VIRMA: variants seen among roughly 807,000 people sequenced by gnomAD.
The protein encoded by VIRMA is protein virilizer homolog.
A neutral mutation model predicts 182.4 loss-of-function variants in VIRMA; 65 were observed. The ratio of observed to expected loss-of-function variants is 0.36; its 90% CI spans 0.29 to 0.44. VIRMA has a LOEUF of 0.44. Ranked by LOEUF, VIRMA falls within the 20% of genes least tolerant of loss-of-function variation. The pLI, the probability that VIRMA is intolerant of heterozygous loss-of-function variation, is 1.00. For missense variants in VIRMA, 1,752 were observed against 2,158.1 expected (o/e 0.81, Z 3.73); for synonymous variants, 709 against 743.1 (o/e 0.95, Z 0.75).
In VIRMA at chr8:94,488,761, T is replaced by A; in HGVS notation, c.5384A>T (p.Lys1795Met). The A allele has an allele frequency of 2.1e-5, 34 of 1,614,196 alleles. No individual in the cohort carries two copies. The highest frequency in any genetic ancestry group is 2.9e-5 in the Non-Finnish European group (34 of 1,180,040). The change falls in exon 24 of 24, where the codon AAG becomes ATG. Residue 1795 changes from lysine (K) to methionine (M), a missense_variant. Transcript: ENST00000297591. Reference protein sequence around the residue: ...ANSGSGGSRGKFVSGGSGRGR... With the variant: ...ANSGSGGSRGMFVSGGSGRGR... ...TCTACCACTGCCTCCACTAACAAAC[T>A]TTCCTCTTGAGCCTCCACTGCCGCT...
In VIRMA at chr8:94,506,529, C is replaced by T. The variant is rs762965503; in HGVS notation, c.4068G>A (p.Glu1356=). The T allele has an allele frequency of 9.3e-6, 15 of 1,610,878 alleles. No homozygotes were observed. The highest frequency in any genetic ancestry group is 8.8e-5 in the South Asian group (8 of 90,810). The change falls in exon 16 of 24, where the codon GAG becomes GAA. Residue 1356 remains glutamate, a synonymous_variant. Coordinates refer to ENST00000297591, the MANE Select transcript of VIRMA (RefSeq NM_015496.5). ...TTAAATGAAATAATCCATAATCATG[C>T]TCTGCAAGAAACATCATTGTTCTGA... ...TCVRTMMFLA[E]HDYGLFHLKS...
At chr8:94,525,352 T>A (rs1351482003) in intron 8 of VIRMA, among the ~76,000 whole-genome samples, 1 of 152,236 alleles carries the variant, frequency 6.6e-6, no homozygotes, top group Non-Finnish European at 1.5e-5. Context: ...CTTCCTTTAC[T>A]GGTTTTTCTC....
At position 94,501,273 on chromosome 8, in the gene VIRMA, AAAAAC is replaced by A. The variant is rs1190328928; in HGVS notation, c.4098-1772_4098-1768del. On this transcript the variant is annotated intron_variant, in intron 16 of 23. Coordinates refer to ENST00000297591, the MANE Select transcript of VIRMA (RefSeq NM_015496.5). The stretch of plus-strand genomic sequence containing the variant: ...TCCATCTCAAAAAAAAAAAAAAAAA[AAAAAC>A]AACCAATAAGGATATGAGGGAAAAA... 1.6e-3 allele frequency among the ~76,000 whole-genome samples: 246 copies of A among 151,112 alleles called. 2 individuals are homozygous for A. In the East Asian group the frequency reaches 0.027, roughly 17 times the overall value.
intron 1 of VIRMA, among the ~76,000 whole-genome samples, chr8:94,552,657 T>C (rs1188726396): frequency 6.6e-6 from 1 of 152,170 alleles, no homozygotes; most frequent in Admixed American, 6.5e-5. Context: ...CTATGTTTAA[T>C]CTACATATTG....
rs1448695499 is a variant in VIRMA, at chr8:94,488,354, A to G, written c.*352T>C. ...AAGTATTAGATATTTCTTTTGGACC[A>G]GGTATGCTGTGAAAAAAGTACTGAG... On this transcript the variant is annotated 3_prime_UTR_variant, in exon 24 of 24. Transcript: ENST00000297591. 1 of 173,592 alleles carries G rather than the reference A, an allele frequency of 5.8e-6. No homozygotes were observed. Among genetic ancestry groups the G allele is most frequent in the African/African-American group, 2.4e-5 (1 of 42,152 alleles). 10.8% of individuals were successfully genotyped at this position (173,592 alleles called of 1,614,324 possible). A position where few individuals can be genotyped will look rare whatever the true frequency, so the allele number is the denominator to read the frequency against.
intron 11 of VIRMA, among the ~76,000 whole-genome samples, chr8:94,514,437 G>T (rs1814486589): frequency 6.6e-6 from 1 of 152,096 alleles, no homozygotes; most frequent in Non-Finnish European, 1.5e-5. Context: ...TTAACAAAGA[G>T]AACTTGCCTC....
At chr8:94,513,717 G>T (rs563020930) in intron 11 of VIRMA, among the ~76,000 whole-genome samples, 1 of 152,192 alleles carries the variant, frequency 6.6e-6, no homozygotes, top group South Asian at 2.1e-4. Context: ...GCCATTTATT[G>T]AACATCTTGT....
chr8:94,495,583 A>G (rs1813744116), intron 19 of VIRMA, 148 bp downstream of exon 19: 1 of 459,792 alleles, frequency 2.2e-6, no homozygotes, highest in African/African-American at 2.0e-5. Context: ...AAACTAAAGA[A>G]GAATACACAA....
chr8:94,547,111 T>C (rs774073572), intron 1 of VIRMA: 46 of 428,562 alleles, frequency 1.1e-4, no homozygotes, highest in Non-Finnish European at 1.9e-4. Flanking sequence ...TCTAGCTGAA[T>C]TGTAATTGCC....
At chr8:94,531,297 A>G (rs1450262061) in intron 5 of VIRMA, among the ~76,000 whole-genome samples, 2 of 152,202 alleles carry the variant, frequency 1.3e-5, no homozygotes, top group African/African-American at 2.4e-5. Flanking sequence ...TCAGGACTTG[A>G]GTATGCACAG....
chr8:94,534,776 TA>T (rs1338198337), intron 5 of VIRMA, 62 bp downstream of exon 5: 341 of 1,494,116 alleles, frequency 2.3e-4, no homozygotes, highest in African/African-American at 1.2e-3. Flanking sequence ...CTCTTCGAAT[TA>T]TTTTTTTTTT....
chr8:94,489,838 G>C, intron 23 of VIRMA, 101 bp downstream of exon 23: 1 of 1,289,300 alleles, frequency 7.8e-7, no homozygotes, highest in Non-Finnish European at 1.1e-6. Context: ...AGGAGATGGG[G>C]AGATTAGCAC....
At chr8:94,496,211 G>T in intron 18 of VIRMA, 117 bp downstream of exon 18, 1 of 845,808 alleles carries the variant, frequency 1.2e-6, no homozygotes. Context: ...TATTTGAAAT[G>T]GTACAAACAC....
intron 11 of VIRMA, among the ~76,000 whole-genome samples, chr8:94,512,756 GAC>G (rs1814422503): frequency 6.6e-6 from 1 of 152,256 alleles, no homozygotes; most frequent in South Asian, 2.1e-4. Context: ...CAGCCTGGGT[GAC>G]ACAGTGAAAC....
At chr8:94,508,640 G>C (rs560196149) in intron 15 of VIRMA, among the ~76,000 whole-genome samples, 1 of 151,576 alleles carries the variant, frequency 6.6e-6, no homozygotes, top group South Asian at 2.1e-4. Context: ...ACACTTTGAG[G>C]TACAAGGACT....
rs140749547 is a variant in VIRMA at position 94,514,941 on chromosome 8, C to T, written c.2679G>A (p.Lys893=). The T allele has an allele frequency of 6.1e-5, 95 of 1,550,812 alleles. No individual in the cohort carries two copies. In the African/African-American group the frequency reaches 9.6e-4, roughly 16 times the overall value. ...TAAGGTTTTTCAGAGGTTCAAGCCA[C>T]TTGCCAAGTTCTTAAAAAGAAAAAT... ...ENNAKLQELG[K]WLEPLKNLRF... The change falls in exon 11 of 24, where the codon AAG becomes AAA. Residue 893 remains lysine (K), a synonymous_variant. Transcript: ENST00000297591.
intron 11 of VIRMA, 67 bp downstream of exon 11, chr8:94,514,802 A>C: frequency 1.3e-6 from 1 of 770,326 alleles, no homozygotes; most frequent in Non-Finnish European, 2.2e-6. Flanking sequence ...AAGTGATTCA[A>C]TGCAGTATCA....
At chr8:94,508,807 GA>G (rs1404251047) in intron 15 of VIRMA, among the ~76,000 whole-genome samples, 8 of 145,782 alleles carry the variant, frequency 5.5e-5, no homozygotes, top group Middle Eastern at 3.6e-3. Context: ...TATTCTGCCT[GA>G]AAAAAAAAAA....
intron 9 of VIRMA, 31 bp downstream of exon 9, chr8:94,518,954 T>C (rs538442336): frequency 1.8e-5 from 27 of 1,538,152 alleles, no homozygotes; most frequent in Admixed American, 1.1e-4. Context: ...TCTAACATCA[T>C]AGAAAATTTA....
Sources: gnomAD v4.1 joint callset for allele counts (sites outside exome capture counted in the v4.1 genomes callset) on GRCh38, gnomAD v4.1.1 for gene constraint, MANE v1.5 for transcripts, NCBI Gene and HGNC (gene_info 2026-07-23, HGNC 2026-07-21) for gene names.